The following PDE2A variants were observed in gnomAD, a reference collection of about 807,000 sequenced individuals.
PDE2A encodes cGMP-dependent 3',5'-cyclic phosphodiesterase.
In PDE2A, 53 loss-of-function variants were observed where a neutral mutation model predicts 133.6. The ratio of observed to expected loss-of-function variants is 0.40; its 90% CI spans 0.32 to 0.50. The LOEUF is 0.50. PDE2A is among the 20% of genes least tolerant of loss of function. PDE2A has a pLI of 0.73. For synonymous variants in PDE2A, 491 were observed against 490.2 expected, an observed-to-expected ratio of 1.00 and a Z score of -0.02; for missense variants, 796 against 1,232.4, an observed-to-expected ratio of 0.65 and a Z score of 5.30.
chr11:72,634,509 C>T (rs1237376661), intron 2 of PDE2A, among the ~76,000 whole-genome samples: 2 of 152,214 alleles, frequency 1.3e-5, no homozygotes, highest in East Asian at 3.9e-4. Flanking sequence ...CAGCTTTGGT[C>T]TGTGAACCTA....
chr11:72,631,548 A>T (rs1858383592), intron 2 of PDE2A, among the ~76,000 whole-genome samples: 1 of 152,116 alleles, frequency 6.6e-6, no homozygotes. Flanking sequence ...GGGCCTCCAC[A>T]GTGAGTTGGG....
intron 2 of PDE2A, among the ~76,000 whole-genome samples, chr11:72,640,808 G>A (rs1423830863): frequency 6.6e-6 from 1 of 151,814 alleles, no homozygotes; most frequent in African/African-American, 2.4e-5. Flanking sequence ...TACAATAACA[G>A]ACATACAGCC....
At chr11:72,653,134 G>A (rs1565193244) in intron 1 of PDE2A, among the ~76,000 whole-genome samples, 1 of 152,208 alleles carries the variant, frequency 6.6e-6, no homozygotes, top group Non-Finnish European at 1.5e-5. Flanking sequence ...CATTGTTTGG[G>A]GCTTCCGAGG....
At chr11:72,652,306 C>A (rs1735663679) in intron 1 of PDE2A, among the ~76,000 whole-genome samples, 1 of 152,166 alleles carries the variant, frequency 6.6e-6, no homozygotes, top group Non-Finnish European at 1.5e-5. Context: ...GAGATGGGGT[C>A]TCACTATGTT....
rs1855482628 is a variant in PDE2A, at chr11:72,576,528, G to A, written c.*856C>T. The A allele has an allele frequency of 6.0e-6, 1 of 167,748 alleles. No individual in the cohort carries two copies. The highest frequency in any genetic ancestry group is 1.5e-5 in the Non-Finnish European group (1 of 68,366). 10.4% of individuals were successfully genotyped at this position (167,748 alleles called of 1,614,324 possible). A position where few individuals can be genotyped will look rare whatever the true frequency, so the allele number is the denominator to read the frequency against. On this transcript the variant is annotated 3_prime_UTR_variant, in exon 31 of 31. Transcript: ENST00000334456. ...AGGGTTGGGCTCTCTGTGCCTTAGGGTTGCAGAAACATTCCATAGCCTCTG... is the reference window on the plus strand; with the variant it reads ...AGGGTTGGGCTCTCTGTGCCTTAGGATTGCAGAAACATTCCATAGCCTCTG...
intron 4 of PDE2A, chr11:72,598,915 C>G (rs1856607302): frequency 1.0e-6 from 1 of 985,318 alleles, no homozygotes; most frequent in Non-Finnish European, 1.2e-6. Flanking sequence ...GGCTCCAGTT[C>G]CCGGCTGTCC....
At chr11:72,644,881 C>G (rs1044455017) in intron 1 of PDE2A, among the ~76,000 whole-genome samples, 18 of 152,274 alleles carry the variant, frequency 1.2e-4, no homozygotes, top group African/African-American at 4.3e-4. Flanking sequence ...CTCAGCCTCC[C>G]GAGTAGATGG....
chr11:72,585,017 C>G, intron 16 of PDE2A, 73 bp from the exon 17 acceptor site: 1 of 1,466,892 alleles, frequency 6.8e-7, no homozygotes. Context: ...CATAAGGAGG[C>G]AAAGGCCGGA....
At position 72,589,226 on chromosome 11, in the gene PDE2A, C is replaced by T; in HGVS notation, c.888G>A (p.Leu296=). The change falls in exon 12 of 31, where the codon CTG becomes CTA. Residue 296 remains leucine (L), a synonymous_variant. Transcript: ENST00000334456. ...EEVSFPLTGC[L]GQVVEDKKSI... ...ACTTCTTGTCTTCCACCACCTGGCC[C>T]AGGCATCCTGTCAACTAGGGGGTGA... The T allele has an allele frequency of 6.2e-7, 1 of 1,613,670 alleles. No individual in the cohort carries two copies. Among genetic ancestry groups the T allele is most frequent in the Non-Finnish European group, 8.5e-7 (1 of 1,179,734 alleles).
At chr11:72,650,588 G>C (rs930873792) in intron 1 of PDE2A, among the ~76,000 whole-genome samples, 1 of 152,108 alleles carries the variant, frequency 6.6e-6, no homozygotes, top group Non-Finnish European at 1.5e-5. Flanking sequence ...CCCCTTAGTG[G>C]CACCTCCTAC....
intron 4 of PDE2A, among the ~76,000 whole-genome samples, chr11:72,600,612 C>T (rs933615993): frequency 2.0e-5 from 3 of 152,144 alleles, no homozygotes; most frequent in Admixed American, 6.5e-5. Context: ...CACATGGGAG[C>T]GGGAGCTTCG....
At chr11:72,639,890 C>T (rs1282705990) in intron 2 of PDE2A, among the ~76,000 whole-genome samples, 3 of 152,096 alleles carry the variant, frequency 2.0e-5, no homozygotes, top group Non-Finnish European at 2.9e-5. Flanking sequence ...TGCACACATG[C>T]GTCACTCCAC....
At chr11:72,634,270 T>C (rs1858572743) in intron 2 of PDE2A, among the ~76,000 whole-genome samples, 1 of 151,990 alleles carries the variant, frequency 6.6e-6, no homozygotes. Flanking sequence ...AATGGAGCCT[T>C]GTGGAGGACT....
At chr11:72,619,976 G>A (rs1857674413) in intron 2 of PDE2A, among the ~76,000 whole-genome samples, 1 of 152,110 alleles carries the variant, frequency 6.6e-6, no homozygotes, top group South Asian at 2.1e-4. Flanking sequence ...CCACCTGTGT[G>A]CACATTAGAA....
chr11:72,658,203 C>CA (rs1311998932), intron 1 of PDE2A: 1 of 444,088 alleles, frequency 2.3e-6, no homozygotes, highest in Non-Finnish European at 4.5e-6. Context: ...TCTGAACTGC[C>CA]AGCAATGGTG....
At chr11:72,584,451 G>C (rs774999984) in intron 18 of PDE2A, 100 bp downstream of exon 18, 6 of 1,397,246 alleles carry the variant, frequency 4.3e-6, no homozygotes, top group Non-Finnish European at 5.0e-6. Flanking sequence ...CTTATGCTCC[G>C]GGACGCTGGA....
intron 2 of PDE2A, among the ~76,000 whole-genome samples, chr11:72,632,723 C>G (rs767323835): frequency 1.3e-5 from 2 of 152,130 alleles, no homozygotes; most frequent in Non-Finnish European, 1.5e-5. Context: ...ACAGCCCCCT[C>G]CCCTCCCCTG....
At chr11:72,650,019 C>CTTTT in intron 1 of PDE2A, among the ~76,000 whole-genome samples, 1 of 129,136 alleles carries the variant, frequency 7.7e-6, no homozygotes, top group Non-Finnish European at 1.6e-5. Flanking sequence ...AGCCCTGAGA[C>CTTTT]TTTTTTTTTT....
rs1311324575 is a variant in PDE2A, at chr11:72,583,490, T to C, written c.1676A>G (p.Glu559Gly). Residue 559 changes from glutamate (E) to glycine (G), a missense_variant, in exon 20 of 31, where the codon GAG (glutamate) becomes GGG (glycine). Transcript: ENST00000334456. ...GGCCAGGTGGCTGCGATACTGAGCC[T>C]CATTCACTTTTTTGTATAGGAGAGA... ...AHSLLYKKVNEAQYRSHLANE... is the reference protein window; with the variant it reads ...AHSLLYKKVNGAQYRSHLANE... 1.2e-6 allele frequency: 2 copies of C among 1,611,718 alleles called. No individual in the cohort carries two copies.
Sources: gnomAD v4.1 joint callset for allele counts (sites outside exome capture counted in the v4.1 genomes callset) on GRCh38, gnomAD v4.1.1 for gene constraint, MANE v1.5 for transcripts, NCBI Gene and HGNC (gene_info 2026-07-23, HGNC 2026-07-21) for gene names.